The following FNTB variants were observed in gnomAD, a reference collection of about 807,000 sequenced individuals.
FNTB encodes protein farnesyltransferase subunit beta.
A neutral mutation model predicts 59.4 loss-of-function variants in FNTB; 27 were observed. The observed-to-expected ratio is 0.45, with a 90% CI of 0.34 to 0.63. The LOEUF is 0.63. Ranked by LOEUF, FNTB falls within the 20% of genes least tolerant of loss-of-function variation. The pLI is 0.02. For missense variants in FNTB, 449 were observed against 559.6 expected (o/e 0.80, Z 1.99); for synonymous variants, 230 against 220.7 (o/e 1.04, Z -0.37).
At chr14:64,987,250 G>C (rs1374277092) in intron 1 of FNTB, 153 bp downstream of exon 1, 5 of 895,828 alleles carry the variant, frequency 5.6e-6, no homozygotes, top group African/African-American at 1.7e-5. Context: ...CGGGCGCCCA[G>C]GCTTGGGCTT....
intron 4 of FNTB, among the ~76,000 whole-genome samples, chr14:65,024,453 C>T (rs61987400): frequency 6.8e-4 from 103 of 152,284 alleles, no homozygotes; most frequent in Admixed American, 1.4e-3. Flanking sequence ...ATCTTTTCCA[C>T]CTCAGCAGGA....
chr14:65,044,599 C>A lies in FNTB; in HGVS notation c.955+156C>A. On this transcript the variant is annotated intron_variant, in intron 9 of 11. Coordinates refer to ENST00000246166, the MANE Select transcript of FNTB (RefSeq NM_002028.4). This position sits in a 1 kb window ranked among gnomAD's most constrained non-coding sequence, Gnocchi z 5.5. Reference sequence around the variant, plus strand: ...GTGGAACCTCATGCCGTGGGGCATGCGAATGCAGAGTAAGATTTAGTTTCA... The same window carrying A: ...GTGGAACCTCATGCCGTGGGGCATGAGAATGCAGAGTAAGATTTAGTTTCA... 2 of 1,077,488 alleles carry A rather than the reference C, an allele frequency of 1.9e-6. No homozygotes were observed. Among genetic ancestry groups the A allele is most frequent in the Non-Finnish European group, 2.5e-6 (2 of 788,168 alleles). The allele number at this position is 1,077,488 out of a possible 1,614,324, so 66.7% of individuals were successfully genotyped here.
intron 11 of FNTB, among the ~76,000 whole-genome samples, chr14:65,057,387 C>T (rs1027241782): frequency 6.6e-6 from 1 of 152,096 alleles, no homozygotes; most frequent in African/African-American, 2.4e-5. Flanking sequence ...TCTGTTTGCT[C>T]CAGTCTGGGA....
intron 9 of FNTB, among the ~76,000 whole-genome samples, chr14:65,051,710 CT>C (rs2062615125): frequency 6.6e-6 from 1 of 151,672 alleles, no homozygotes; most frequent in South Asian, 2.1e-4. Flanking sequence ...TTTTAGAAAT[CT>C]TTTCCCCCGT....
rs2061649766 is a variant in FNTB at position 65,009,364 on chromosome 14, A to C, written c.210-2953A>C. ...TCACTGGCGCTTCACTAACTGCCTTATAATCCTTTTATTCGTCTCATGTAG... is the reference window on the plus strand; with the variant it reads ...TCACTGGCGCTTCACTAACTGCCTTCTAATCCTTTTATTCGTCTCATGTAG... On this transcript the variant is annotated intron_variant, in intron 2 of 11. Transcript: ENST00000246166. This position sits in a 1 kb window ranked among gnomAD's most constrained non-coding sequence, Gnocchi z 4.2. Among the ~76,000 whole-genome samples the C allele has an allele frequency of 6.6e-6, 1 of 151,558 alleles. No homozygotes were observed. The highest frequency in any genetic ancestry group is 2.4e-5 in the African/African-American group (1 of 40,916).
intron 4 of FNTB, chr14:65,022,210 C>T: frequency 2.6e-6 from 1 of 383,156 alleles, no homozygotes; most frequent in South Asian, 1.9e-5. Context: ...ATGCATCTTG[C>T]ATTTACATCC....
In FNTB at chr14:65,010,662, C is replaced by A. The variant is rs147189394; in HGVS notation, c.210-1655C>A. 3.4e-3 allele frequency among the ~76,000 whole-genome samples: 525 copies of A among 152,314 alleles called. 4 individuals are homozygous for A. Among genetic ancestry groups the A allele is most frequent in the African/African-American group, 0.012 (496 of 41,558 alleles). The stretch of plus-strand genomic sequence containing the variant: ...AAAGCACAGTTCTGATCATTTCTTT[C>A]CTCATCTCAAAAACCTTCAGGACTT... On this transcript the variant is annotated intron_variant, in intron 2 of 11. Coordinates refer to ENST00000246166, the MANE Select transcript of FNTB (RefSeq NM_002028.4).
At position 65,007,525 on chromosome 14, in the gene FNTB, A is replaced by C. The variant is rs901041422; in HGVS notation, c.209+3212A>C. ...AAGCTGAATAGCAGACTGGGCTGAAAGTCAAGCCTGGAGCTGAATGTCAGT... is the reference window on the plus strand; with the variant it reads ...AAGCTGAATAGCAGACTGGGCTGAACGTCAAGCCTGGAGCTGAATGTCAGT... On this transcript the variant is annotated intron_variant, in intron 2 of 11. Coordinates refer to ENST00000246166, the MANE Select transcript of FNTB (RefSeq NM_002028.4). The surrounding 1 kb of genome is among the most constrained non-coding windows in gnomAD (Gnocchi z 4.9). Among the ~76,000 whole-genome samples the C allele has an allele frequency of 7.2e-5, 11 of 152,254 alleles. No individual in the cohort carries two copies. The highest frequency in any genetic ancestry group is 6.5e-4 in the Admixed American group (10 of 15,288).
rs150354298 is a variant in FNTB at position 65,051,997 on chromosome 14, G to A, written c.956-1241G>A. The stretch of plus-strand genomic sequence containing the variant: ...TTTTTAGTAGAGACAGGGTTTCACC[G>A]TGTTAGCCGGGATGGTCTCGATCTC... On this transcript the variant is annotated intron_variant, in intron 9 of 11. Transcript: ENST00000246166. Among the ~76,000 whole-genome samples, 170 of 151,928 alleles carry A rather than the reference G, an allele frequency of 1.1e-3. 1 individual carries two copies. The highest frequency in any genetic ancestry group is 6.8e-3 in the Middle Eastern group (2 of 294).
At chr14:65,004,986 A>G (rs2061559417) in intron 2 of FNTB, among the ~76,000 whole-genome samples, 1 of 152,090 alleles carries the variant, frequency 6.6e-6, no homozygotes, top group Non-Finnish European at 1.5e-5. Context: ...TTCATATTGT[A>G]CTTTGAAACA....
Position 65,054,459 on chromosome 14 carries a change from C to A in FNTB, c.1068-116C>A. On this transcript the variant is annotated intron_variant, in intron 10 of 11. Coordinates refer to ENST00000246166, the MANE Select transcript of FNTB (RefSeq NM_002028.4). This position sits in a 1 kb window ranked among gnomAD's most constrained non-coding sequence, Gnocchi z 4.4. ...GGGAAAACCATGCCTCCTCTAGCCA[C>A]ATGGAGGATGGGGGGGGACGTGTGA... 9.5e-7 allele frequency: 1 copy of A among 1,052,264 alleles called. No homozygotes were observed. The highest frequency in any genetic ancestry group is 1.4e-6 in the Non-Finnish European group (1 of 724,694). 65.2% of individuals were successfully genotyped at this position (1,052,264 alleles called of 1,614,324 possible).
chr14:65,033,823 C>G (rs1257422368), intron 7 of FNTB, among the ~76,000 whole-genome samples: 1 of 152,174 alleles, frequency 6.6e-6, no homozygotes, highest in African/African-American at 2.4e-5. Context: ...CGCCACTGCA[C>G]TCCAGCCTGG....
chr14:65,053,264 TG>T lies in FNTB; in HGVS notation c.984del (p.Trp328Ter). On this transcript the variant is annotated frameshift_variant, in exon 10 of 12. Coordinates refer to ENST00000246166, the MANE Select transcript of FNTB (RefSeq NM_002028.4). LOFTEE classifies it high-confidence loss of function. ...QGDPALSMSH[W>X]MFHQQALQEY... ...TGACCCTGCCCTTAGCATGAGCCAC[TG>T]GATGTTCCATCAGCAGGCCCTGCAG... The T allele has an allele frequency of 6.9e-7, 1 of 1,441,468 alleles. No homozygotes were observed. Among genetic ancestry groups the T allele is most frequent in the Non-Finnish European group, 9.2e-7 (1 of 1,087,078 alleles). 89.3% of individuals were successfully genotyped at this position (1,441,468 alleles called of 1,614,324 possible).
At chr14:64,998,237 C>T (rs1489538665) in intron 1 of FNTB, among the ~76,000 whole-genome samples, 1 of 152,186 alleles carries the variant, frequency 6.6e-6, no homozygotes, top group Non-Finnish European at 1.5e-5. Flanking sequence ...TACTAAAAAT[C>T]TTGTTTTATC....
intron 4 of FNTB, among the ~76,000 whole-genome samples, chr14:65,016,882 A>C (rs1212349954): frequency 6.0e-5 from 9 of 151,012 alleles, no homozygotes. Context: ...CAGTTTCTGC[A>C]GTAACAGGAA....
chr14:65,050,346 A>G (rs564750817), intron 9 of FNTB, among the ~76,000 whole-genome samples: 1 of 152,348 alleles, frequency 6.6e-6, no homozygotes, highest in South Asian at 2.1e-4. Context: ...CTGTAATCCT[A>G]GCACTTTGGG....
At position 65,023,045 on chromosome 14, in the gene FNTB, G is replaced by A. The variant is rs2061917155; in HGVS notation, c.375-4408G>A. 6.6e-6 allele frequency among the ~76,000 whole-genome samples: 1 copy of A among 152,022 alleles called. No individual in the cohort carries two copies. Among genetic ancestry groups the A allele is most frequent in the South Asian group, 2.1e-4 (1 of 4,824 alleles). ...TGAATCCTTCATCCAAACTGATGAC[G>A]GTGTTTAGAATCAACATTGATTAAT... On this transcript the variant is annotated intron_variant, in intron 4 of 11. Coordinates refer to ENST00000246166, the MANE Select transcript of FNTB (RefSeq NM_002028.4). This position sits in a 1 kb window ranked among gnomAD's most constrained non-coding sequence, Gnocchi z 4.1.
Position 65,012,494 on chromosome 14 carries a change from C to T in FNTB, c.282+105C>T. The T allele has an allele frequency of 6.9e-7, 1 of 1,451,784 alleles. No individual in the cohort carries two copies. The highest frequency in any genetic ancestry group is 9.4e-7 in the Non-Finnish European group (1 of 1,059,524). The allele number at this position is 1,451,784 out of a possible 1,614,324, so 89.9% of individuals were successfully genotyped here. A position where few individuals can be genotyped will look rare whatever the true frequency, so the allele number is the denominator to read the frequency against. ...TGTTGGGGCTGACCTGTTGCAGAGT[C>T]ACTCTTTGTTCTCTGTGGCTCTGGC... On this transcript the variant is annotated intron_variant, in intron 3 of 11. Coordinates refer to ENST00000246166, the MANE Select transcript of FNTB (RefSeq NM_002028.4). This position sits in a 1 kb window ranked among gnomAD's most constrained non-coding sequence, Gnocchi z 5.0.
chr14:65,006,945 A>G (rs953905505), intron 2 of FNTB, among the ~76,000 whole-genome samples: 1 of 151,454 alleles, frequency 6.6e-6, no homozygotes, highest in Non-Finnish European at 1.5e-5. Flanking sequence ...TATGGGTGGG[A>G]AAAAAAAAGT....
Sources: allele counts gnomAD v4.1 joint callset (sites outside exome capture counted in the v4.1 genomes callset), GRCh38; gene constraint gnomAD v4.1.1; non-coding constraint Gnocchi (gnomAD v3.1); transcripts MANE v1.5; gene names NCBI Gene and HGNC (gene_info 2026-07-23, HGNC 2026-07-21).